CDC27: variants seen among roughly 807,000 people sequenced by gnomAD.
CDC27 encodes cell division cycle protein 27 homolog.
CDC27 carries 27 observed loss-of-function variants against 109.7 expected under a neutral mutation model. That is an observed-to-expected ratio of 0.25 (90% CI 0.18 to 0.34). The LOEUF (loss-of-function observed/expected upper bound fraction) is 0.34. Ranked by LOEUF, CDC27 falls within the 10% of genes least tolerant of loss-of-function variation. CDC27 has a pLI of 1.00. For missense variants in CDC27, 579 were observed against 960.2 expected (o/e 0.60, Z 5.25); for synonymous variants, 266 against 333.9 (o/e 0.80, Z 2.22).
rs571964000 is a variant in CDC27 at position 47,134,536 on chromosome 17, T to G, written c.1914-2162A>C. ...GAGATGGAGTCTCACTCTGTTGCCATGCTGGAGTGCAGTGGCACAACCTCC... is the reference window on the plus strand; with the variant it reads ...GAGATGGAGTCTCACTCTGTTGCCAGGCTGGAGTGCAGTGGCACAACCTCC... On this transcript the variant is annotated intron_variant, in intron 14 of 18. Transcript: ENST00000066544. Among the ~76,000 whole-genome samples the G allele has an allele frequency of 1.7e-4, 26 of 151,934 alleles. No homozygotes were observed. The Middle Eastern group carries it at 0.01, about 60-fold the overall frequency.
rs919196343 is a variant in CDC27, at chr17:47,149,309, G to C, written c.1070+2497C>G. On this transcript the variant is annotated intron_variant, in intron 9 of 18. Coordinates refer to ENST00000066544, the MANE Select transcript of CDC27 (RefSeq NM_001256.6). Reference sequence around the variant, plus strand: ...AGGAGGATCACAAGGTCAAGAGATCGGGACCATCCTGGCCAACATGGTGAA... The same window carrying C: ...AGGAGGATCACAAGGTCAAGAGATCCGGACCATCCTGGCCAACATGGTGAA... Among the ~76,000 whole-genome samples, 4 of 150,774 alleles carry C rather than the reference G, an allele frequency of 2.7e-5. No homozygotes were observed. The East Asian group carries it at 8.0e-4, about 30-fold the overall frequency.
chr17:47,137,433 A>C, intron 13 of CDC27, 73 bp from the exon 14 acceptor site: 1 of 836,620 alleles, frequency 1.2e-6, no homozygotes, highest in African/African-American at 1.8e-5. Flanking sequence ...TATGACTAAA[A>C]TCAAGCCTCA....
Position 47,148,021 on chromosome 17 carries a change from A to G in CDC27, c.1070+3785T>C, listed in dbSNP as rs535310341. 2.2e-4 allele frequency among the ~76,000 whole-genome samples: 33 copies of G among 151,866 alleles called. No individual in the cohort carries two copies. In the East Asian group the frequency reaches 6.2e-3, roughly 29 times the overall value. On this transcript the variant is annotated intron_variant, in intron 9 of 18. Coordinates refer to ENST00000066544, the MANE Select transcript of CDC27 (RefSeq NM_001256.6). ...GAGATCAGCCTGACCAACATGGTGA[A>G]ACCCCATCTCTACTAAAAATACAAA...
rs560914443 is a variant in CDC27 at position 47,131,074 on chromosome 17, C to T, written c.2031+1183G>A. Among the ~76,000 whole-genome samples, 6 of 151,828 alleles carry T rather than the reference C, an allele frequency of 4.0e-5. No individual in the cohort carries two copies. The East Asian group carries it at 5.8e-4, about 15-fold the overall frequency. On this transcript the variant is annotated intron_variant, in intron 15 of 18. Coordinates refer to ENST00000066544, the MANE Select transcript of CDC27 (RefSeq NM_001256.6). ...GACTGAGACCCTAAATACTAGTTCCCGAAAAGAGAAAAGCTTACTCTCTTA... is the reference window on the plus strand; with the variant it reads ...GACTGAGACCCTAAATACTAGTTCCTGAAAAGAGAAAAGCTTACTCTCTTA...
intron 16 of CDC27, 71 bp downstream of exon 16, chr17:47,129,322 T>G (rs1043733807): frequency 8.7e-7 from 1 of 1,146,950 alleles, no homozygotes; most frequent in East Asian, 2.4e-5. Flanking sequence ...AACTTTCAGT[T>G]TATTGAAAAC....
At chr17:47,184,439 T>C (rs1443620589) in intron 1 of CDC27, among the ~76,000 whole-genome samples, 1 of 152,184 alleles carries the variant, frequency 6.6e-6, no homozygotes, top group Non-Finnish European at 1.5e-5. Context: ...ACCAGCTATT[T>C]TACTACTATG....
chr17:47,172,137 C>T, intron 2 of CDC27, 73 bp from the exon 3 acceptor site: 1 of 951,850 alleles, frequency 1.1e-6, no homozygotes, highest in Middle Eastern at 3.1e-4. Flanking sequence ...ATGCAATAAA[C>T]AAGTTTAGCA....
intron 2 of CDC27, among the ~76,000 whole-genome samples, chr17:47,174,968 A>AACAGGACAGGACAGG (rs779367027): frequency 5.2e-5 from 6 of 116,044 alleles, no homozygotes; most frequent in African/African-American, 1.8e-4. Context: ...GGACTATCGA[A>AACAGGACAGGACAGG]ACAGGACAGG....
At chr17:47,162,499 C>T (rs1221058536) in intron 4 of CDC27, among the ~76,000 whole-genome samples, 2 of 152,118 alleles carry the variant, frequency 1.3e-5, no homozygotes, top group Non-Finnish European at 2.9e-5. Flanking sequence ...CAAGTAGCCC[C>T]GTCCCCTTGC....
Position 47,136,431 on chromosome 17 carries a change from G to A in CDC27, c.1913+721C>T, listed in dbSNP as rs11570545. On this transcript the variant is annotated intron_variant, in intron 14 of 18. Transcript: ENST00000066544. Reference sequence around the variant, plus strand: ...TGCTATAATAACCCCAAAGATAACCGTATCTGACAAAAAAACTACCACAGA... The same window carrying A: ...TGCTATAATAACCCCAAAGATAACCATATCTGACAAAAAAACTACCACAGA... Among the ~76,000 whole-genome samples the A allele has an allele frequency of 2.0e-3, 306 of 152,170 alleles. 2 individuals are homozygous for A. Among genetic ancestry groups the A allele is most frequent in the African/African-American group, 7.0e-3 (289 of 41,518 alleles).
chr17:47,159,478 G>A, intron 4 of CDC27: 1 of 579,366 alleles, frequency 1.7e-6, no homozygotes, highest in East Asian at 3.1e-5. Context: ...GTGCTCCTGG[G>A]GGTGCGACGA....
chr17:47,169,803 T>C (rs1445872815), intron 4 of CDC27, 114 bp downstream of exon 4: 6 of 766,380 alleles, frequency 7.8e-6, no homozygotes, highest in South Asian at 2.8e-5. Flanking sequence ...AATCAGACTA[T>C]GTACTACTCA....
At chr17:47,131,147 T>C (rs1279749342) in intron 15 of CDC27, among the ~76,000 whole-genome samples, 3 of 152,136 alleles carry the variant, frequency 2.0e-5, no homozygotes, top group Non-Finnish European at 4.4e-5. Context: ...AAACAACCTG[T>C]TCTACAATAA....
intron 1 of CDC27, among the ~76,000 whole-genome samples, chr17:47,184,701 G>A (rs2064363802): frequency 6.6e-6 from 1 of 152,162 alleles, no homozygotes; most frequent in Admixed American, 6.5e-5. Flanking sequence ...CTCACATACT[G>A]CTTCCATCCC....
At chr17:47,162,998 G>A (rs952385265) in intron 4 of CDC27, among the ~76,000 whole-genome samples, 1 of 151,954 alleles carries the variant, frequency 6.6e-6, no homozygotes, top group Non-Finnish European at 1.5e-5. Context: ...AGATAAAAGG[G>A]GACAAAGATT....
At chr17:47,166,425 T>C (rs895850763) in intron 4 of CDC27, among the ~76,000 whole-genome samples, 1 of 151,924 alleles carries the variant, frequency 6.6e-6, no homozygotes, top group African/African-American at 2.4e-5. Context: ...ATACACATCC[T>C]TTCACTGTCC....
intron 18 of CDC27, among the ~76,000 whole-genome samples, chr17:47,121,996 C>T (rs1460084546): frequency 3.9e-5 from 6 of 152,074 alleles, no homozygotes; most frequent in African/African-American, 1.4e-4. Flanking sequence ...CCTCCACCTC[C>T]CAAAGTGTTG....
chr17:47,181,608 A>C lies in CDC27; in HGVS notation c.57T>G (p.Tyr19Ter). Residue 19 changes from tyrosine to a stop codon, truncating the protein, a stop_gained, in exon 2 of 19, where the codon TAT becomes TAG. Coordinates refer to ENST00000066544, the MANE Select transcript of CDC27 (RefSeq NM_001256.6). LOFTEE classifies it high-confidence loss of function. The part of the protein sequence containing the change: ...QAAIWQALNH[Y>*]AYRDAVFLAE... ...CGAGGAAAACCGCATCTCGGTAAGC[A>C]TAGTGGTTTAGTGCTTGCCATATAG... The C allele has an allele frequency of 6.2e-7, 1 of 1,609,050 alleles. No homozygotes were observed. The highest frequency in any genetic ancestry group is 8.5e-7 in the Non-Finnish European group (1 of 1,176,270).
At chr17:47,127,765 CGAA>C (rs2062191511) in intron 16 of CDC27, among the ~76,000 whole-genome samples, 1 of 151,004 alleles carries the variant, frequency 6.6e-6, no homozygotes, top group Admixed American at 6.6e-5. Context: ...TGCAGTGGCG[CGAA>C]AACAGCTCAC....
Sources: allele counts gnomAD v4.1 joint callset (sites outside exome capture counted in the v4.1 genomes callset), GRCh38; gene constraint gnomAD v4.1.1; transcripts MANE v1.5; gene names NCBI Gene and HGNC (gene_info 2026-07-23, HGNC 2026-07-21).